CMTM4: variants seen among roughly 807,000 people sequenced by gnomAD.
CMTM4 encodes the protein CKLF like MARVEL transmembrane domain containing 4, also known as CKLF-like MARVEL transmembrane domain-containing protein 4.
CMTM4 carries 8 observed loss-of-function variants against 19.0 expected under a neutral mutation model. That is an observed-to-expected ratio of 0.42 (90% CI 0.25 to 0.76). The LOEUF is 0.76. CMTM4 is among the 30% of genes least tolerant of loss of function. The probability of loss-of-function intolerance (pLI) is 0.27; values close to 1 mark genes in which losing one functional copy is unlikely to be tolerated. For synonymous variants in CMTM4, 106 were observed against 121.1 expected, an observed-to-expected ratio of 0.88 and a Z score of 0.82; for missense variants, 228 against 290.2, an observed-to-expected ratio of 0.79 and a Z score of 1.56.
At chr16:66,643,894 C>T (rs1005041217) in intron 1 of CMTM4, among the ~76,000 whole-genome samples, 3 of 152,158 alleles carry the variant, frequency 2.0e-5, no homozygotes, top group African/African-American at 2.4e-5. Context: ...GCTGGGATTA[C>T]AGGTGCCCAC....
intron 1 of CMTM4, among the ~76,000 whole-genome samples, chr16:66,665,811 G>A (rs1596946396): frequency 6.6e-6 from 1 of 152,156 alleles, no homozygotes; most frequent in Non-Finnish European, 1.5e-5. Flanking sequence ...GCTCATGCCT[G>A]TAATCCCAGC....
At chr16:66,606,456 G>A in the CMTM4 span, among the ~76,000 whole-genome samples, 4 of 152,258 alleles carry the variant, frequency 2.6e-5, no homozygotes, top group East Asian at 7.7e-4. Context: ...TTTCCAAAGG[G>A]GGCTCAGCTG....
At chr16:66,669,592 A>G (rs2016665366) in intron 1 of CMTM4, among the ~76,000 whole-genome samples, 1 of 151,956 alleles carries the variant, frequency 6.6e-6, no homozygotes, top group Non-Finnish European at 1.5e-5. Flanking sequence ...CCCAGGCTGG[A>G]GTGCAGTGGA....
the CMTM4 span, among the ~76,000 whole-genome samples, chr16:66,606,490 A>T: frequency 6.6e-6 from 1 of 151,646 alleles, no homozygotes; most frequent in East Asian, 2.0e-4. Context: ...GTGCAGAGCA[A>T]ATGGGGGTGC....
chr16:66,683,189 A>G lies in CMTM4; in HGVS notation c.186+13151T>C, dbSNP rs1186912781. 8.4e-5 allele frequency among the ~76,000 whole-genome samples: 8 copies of G among 95,236 alleles called. 1 individual carries two copies. The highest frequency in any genetic ancestry group is 2.7e-4 in the African/African-American group (8 of 29,386). The allele number at this position is 95,236 out of a possible 152,430, so 62.5% of individuals were successfully genotyped here. On this transcript the variant is annotated intron_variant, in intron 1 of 3. Coordinates refer to ENST00000394106, the MANE Select transcript of CMTM4 (RefSeq NM_181521.3). The stretch of plus-strand genomic sequence containing the variant: ...TATATATATATACATATGTATATAT[A>G]TATACATATATATATATATATAAAT...
intron 1 of CMTM4, among the ~76,000 whole-genome samples, chr16:66,680,928 C>A (rs1383506479): frequency 2.0e-5 from 3 of 152,140 alleles, no homozygotes; most frequent in Admixed American, 6.6e-5. Context: ...CTGACCAGGT[C>A]CTGCTGCAAT....
intron 1 of CMTM4, among the ~76,000 whole-genome samples, chr16:66,682,735 T>TA (rs929163136): frequency 4.3e-4 from 65 of 150,304 alleles, no homozygotes; most frequent in African/African-American, 1.0e-3. Flanking sequence ...CAGAAAGCTT[T>TA]AAAAAAAAAA....
chr16:66,680,927 T>C (rs2016903423), intron 1 of CMTM4, among the ~76,000 whole-genome samples: 1 of 152,130 alleles, frequency 6.6e-6, no homozygotes, highest in Non-Finnish European at 1.5e-5. Context: ...TCTGACCAGG[T>C]CCTGCTGCAA....
the CMTM4 span, chr16:66,605,315 A>G: frequency 5.6e-6 from 1 of 179,468 alleles, no homozygotes; most frequent in South Asian, 1.8e-4. This position sits in a 1 kb window ranked among gnomAD's most constrained non-coding sequence, Gnocchi z 4.6. Flanking sequence ...CCCGGGCCGC[A>G]GCGGGGTCCG....
chr16:66,650,412 G>A (rs2016289305), intron 1 of CMTM4, among the ~76,000 whole-genome samples: 1 of 152,206 alleles, frequency 6.6e-6, no homozygotes, highest in South Asian at 2.1e-4. Flanking sequence ...AAGTATTTCT[G>A]TTGTGCTTTT....
At chr16:66,695,067 C>A (rs1390101717) in intron 1 of CMTM4, among the ~76,000 whole-genome samples, 3 of 152,182 alleles carry the variant, frequency 2.0e-5, no homozygotes, top group African/African-American at 4.8e-5. Flanking sequence ...GAGGACCAGG[C>A]CTGGCACGGT....
At chr16:66,623,370 G>A (rs774656976) in intron 3 of CMTM4, 34 bp downstream of exon 3, 3 of 1,547,274 alleles carry the variant, frequency 1.9e-6, no homozygotes, top group Non-Finnish European at 2.7e-6. Context: ...GAGGTCCCCA[G>A]ATCAGCTTGC....
intron 1 of CMTM4, among the ~76,000 whole-genome samples, chr16:66,683,790 G>A (rs1050707089): frequency 2.0e-5 from 3 of 151,598 alleles, no homozygotes; most frequent in African/African-American, 7.3e-5. Context: ...TGGGGTGGGG[G>A]AGTGTTCTAT....
chr16:66,601,561 TGGTC>T, the CMTM4 span, among the ~76,000 whole-genome samples: 2 of 152,226 alleles, frequency 1.3e-5, no homozygotes, highest in African/African-American at 4.8e-5. Flanking sequence ...GTTCCCACTC[TGGTC>T]GGTCGGACTG....
intron 1 of CMTM4, among the ~76,000 whole-genome samples, chr16:66,694,350 A>T (rs186199711): frequency 6.6e-6 from 1 of 152,200 alleles, no homozygotes; most frequent in East Asian, 1.9e-4. Flanking sequence ...TTTCTTATTC[A>T]TTTCTAATTA....
intron 1 of CMTM4, among the ~76,000 whole-genome samples, chr16:66,682,911 C>T (rs1184972959): frequency 2.6e-5 from 4 of 151,880 alleles, no homozygotes; most frequent in African/African-American, 7.3e-5. Flanking sequence ...TTTCATTTTA[C>T]ACTTTTCTAG....
the CMTM4 span, among the ~76,000 whole-genome samples, chr16:66,600,397 A>G: frequency 0.98 from 148,556 of 152,166 alleles, 72,534 homozygotes; most frequent in East Asian, 1. Flanking sequence ...AGCCCACCTC[A>G]GCCTCCCAAA....
chr16:66,647,775 A>T (rs1441465584), intron 1 of CMTM4, among the ~76,000 whole-genome samples: 2 of 151,804 alleles, frequency 1.3e-5, no homozygotes, highest in Admixed American at 6.6e-5. Context: ...GGCTCAAGAG[A>T]TCCTCCCACC....
At chr16:66,680,119 T>C (rs548845937) in intron 1 of CMTM4, among the ~76,000 whole-genome samples, 11 of 152,352 alleles carry the variant, frequency 7.2e-5, no homozygotes, top group African/African-American at 2.6e-4. Context: ...GTGCTACCTT[T>C]AGTATCATTT....
Sources: allele counts gnomAD v4.1 joint callset (sites outside exome capture counted in the v4.1 genomes callset), GRCh38; gene constraint gnomAD v4.1.1; non-coding constraint Gnocchi (gnomAD v3.1); transcripts MANE v1.5; gene names NCBI Gene and HGNC (gene_info 2026-07-23, HGNC 2026-07-21).